The following FRMD6 variants were observed in gnomAD, a reference collection of about 807,000 sequenced individuals.
FRMD6 encodes FERM domain-containing protein 6.
FRMD6 carries 37 observed loss-of-function variants against 73.2 expected under a neutral mutation model. The ratio of observed to expected loss-of-function variants is 0.51; its 90% CI spans 0.39 to 0.66. FRMD6 has a LOEUF of 0.66. Among genes scored for constraint, FRMD6 ranks in the 30% least tolerant of loss-of-function variants. The pLI, the probability that FRMD6 is intolerant of heterozygous loss-of-function variation, is 0.00. For synonymous variants in FRMD6, 273 were observed against 282.2 expected, an observed-to-expected ratio of 0.97 and a Z score of 0.33; for missense variants, 714 against 780.5, an observed-to-expected ratio of 0.91 and a Z score of 1.02.
chr14:51,402,627 T>C, the FRMD6 span, among the ~76,000 whole-genome samples: 1 of 137,314 alleles, frequency 7.3e-6, no homozygotes, highest in Admixed American at 7.5e-5. Context: ...CTTGGGTATA[T>C]CTTTTTTTCT....
chr14:51,722,217 A>G (rs1897668678), intron 12 of FRMD6, 137 bp downstream of exon 12: 3 of 827,884 alleles, frequency 3.6e-6, no homozygotes, highest in Non-Finnish European at 5.6e-6. Context: ...TCTTCAGGTC[A>G]GTGTTGTAAA....
chr14:51,583,872 A>G (rs958144822), intron 2 of FRMD6, among the ~76,000 whole-genome samples: 1 of 152,228 alleles, frequency 6.6e-6, no homozygotes, highest in Admixed American at 6.5e-5. Context: ...AGGTTTTAGG[A>G]AGCAAGAATA....
At position 51,725,873 on chromosome 14, in the gene FRMD6, A is replaced by T. The variant is rs771610801; in HGVS notation, c.1584+3A>T. 2 of 1,600,390 alleles carry T rather than the reference A, an allele frequency of 1.2e-6. No individual in the cohort carries two copies. The highest frequency in any genetic ancestry group is 3.4e-5 in the Admixed American group (2 of 59,620). ...AGAGTACTGATTCTCTTCCACAGGT[A>T]TTAAAGGAATTGAAAAATATCAGTT... On this transcript the variant is annotated splice_donor_region_variant and intron_variant, in intron 13 of 13. Coordinates refer to ENST00000344768, the MANE Select transcript of FRMD6 (RefSeq NM_001267046.2).
At chr14:51,468,110 G>A in the FRMD6 span, among the ~76,000 whole-genome samples, 3 of 152,064 alleles carry the variant, frequency 2.0e-5, no homozygotes, top group East Asian at 1.9e-4. Context: ...CCAATACGGC[G>A]AAACCCCGTC....
At chr14:51,709,672 TA>T (rs1351521176) in intron 7 of FRMD6, among the ~76,000 whole-genome samples, 2 of 152,296 alleles carry the variant, frequency 1.3e-5, no homozygotes, top group East Asian at 3.9e-4. Flanking sequence ...GACTGAGTTG[TA>T]ATTTTTTTTT....
At position 51,652,681 on chromosome 14, in the gene FRMD6, G is replaced by A. The variant is rs1004951889; in HGVS notation, c.-147+685G>A. Among the ~76,000 whole-genome samples the A allele has an allele frequency of 4.6e-5, 7 of 152,346 alleles. No homozygotes were observed. In the South Asian group the frequency reaches 8.3e-4, roughly 18 times the overall value. On this transcript the variant is annotated intron_variant, in intron 1 of 13. Transcript: ENST00000344768. ...GGGGGCCTGGGTGAGATACGAGTTG[G>A]GGGTGCGGCCTGCAGAATTTGGGTT...
intron 1 of FRMD6, among the ~76,000 whole-genome samples, chr14:51,500,939 T>C (rs1433628509): frequency 2.6e-5 from 4 of 152,200 alleles, no homozygotes; most frequent in South Asian, 2.1e-4. Context: ...GATTTGATCT[T>C]TGATACTGCA....
chr14:51,461,532 A>G, the FRMD6 span, among the ~76,000 whole-genome samples: 38 of 152,222 alleles, frequency 2.5e-4, no homozygotes, highest in Non-Finnish European at 1.3e-4. Context: ...ACCACTATGA[A>G]TAATACCTGA....
At chr14:51,550,303 A>G (rs1886738202) in intron 1 of FRMD6, among the ~76,000 whole-genome samples, 1 of 152,000 alleles carries the variant, frequency 6.6e-6, no homozygotes, top group African/African-American at 2.4e-5. Context: ...CTGGGGTGCA[A>G]TCATGGCTCA....
At chr14:51,585,785 C>T (rs1450427275) in intron 2 of FRMD6, among the ~76,000 whole-genome samples, 1 of 151,216 alleles carries the variant, frequency 6.6e-6, no homozygotes, top group Non-Finnish European at 1.5e-5. Flanking sequence ...ATTTACCTCC[C>T]ACTTGTGAGT....
At chr14:51,500,814 CT>C (rs1883580039) in intron 1 of FRMD6, among the ~76,000 whole-genome samples, 1 of 152,016 alleles carries the variant, frequency 6.6e-6, no homozygotes, top group Non-Finnish European at 1.5e-5. Context: ...TCACATGTAG[CT>C]TAAGTATCTT....
intron 1 of FRMD6, among the ~76,000 whole-genome samples, chr14:51,550,413 G>C (rs1380369784): frequency 1.3e-5 from 2 of 152,134 alleles, no homozygotes; most frequent in South Asian, 4.2e-4. Context: ...ATGAATTGTT[G>C]GAAATTAGAG....
intron 1 of FRMD6, chr14:51,491,270 T>C (rs1882986676): frequency 6.6e-6 from 1 of 152,266 alleles, no homozygotes. Context: ...GCAAGGTTGA[T>C]AGATGTAAAG....
chr14:51,694,838 T>C (rs1895839616), intron 2 of FRMD6, among the ~76,000 whole-genome samples: 1 of 152,208 alleles, frequency 6.6e-6, no homozygotes, highest in African/African-American at 2.4e-5. Context: ...AGCTAAAATG[T>C]AGCCTTAAAG....
At chr14:51,637,413 G>A (rs1891613913) in intron 2 of FRMD6, 1 of 150,968 alleles carries the variant, frequency 6.6e-6, no homozygotes, top group Non-Finnish European at 1.5e-5. Context: ...TGTAAATAAT[G>A]TCAAATATAT....
the FRMD6 span, among the ~76,000 whole-genome samples, chr14:51,461,851 G>A: frequency 1.3e-4 from 20 of 152,360 alleles, no homozygotes; most frequent in African/African-American, 4.6e-4. Context: ...TAGCCAGCTG[G>A]TGGGTGTTAC....
At chr14:51,633,805 C>T (rs190081902) in intron 2 of FRMD6, among the ~76,000 whole-genome samples, 136 of 152,164 alleles carry the variant, frequency 8.9e-4, no homozygotes, top group Non-Finnish European at 7.8e-4. Flanking sequence ...AATAAAGTTA[C>T]GTACAATACT....
intron 2 of FRMD6, among the ~76,000 whole-genome samples, chr14:51,612,244 T>C (rs1435065092): frequency 6.6e-6 from 1 of 152,228 alleles, no homozygotes; most frequent in East Asian, 1.9e-4. Flanking sequence ...AATCTCTCCA[T>C]TTAGTCAACT....
At chr14:51,485,023 G>A (rs1596482533), upstream of FRMD6, among the ~76,000 whole-genome samples, 1 of 152,308 alleles carries the variant, frequency 6.6e-6, no homozygotes, top group South Asian at 2.1e-4. Context: ...CTGAGGATTA[G>A]TTTATACCCT....
Sources: gnomAD v4.1 joint callset for allele counts (sites outside exome capture counted in the v4.1 genomes callset) on GRCh38, gnomAD v4.1.1 for gene constraint, MANE v1.5 for transcripts, NCBI Gene and HGNC (gene_info 2026-07-23, HGNC 2026-07-21) for gene names.